Variants in GNG7 observed in about 807,000 individuals in gnomAD.
GNG7 encodes G protein subunit gamma 7, also known as guanine nucleotide-binding protein G(I)/G(S)/G(O) subunit gamma-7.
Under a neutral mutation model 4.0 loss-of-function variants are expected in GNG7, and 1 was observed. The observed-to-expected ratio is 0.25, with a 90% CI of 0.09 to 1.18. The LOEUF (loss-of-function observed/expected upper bound fraction) is 1.18. GNG7 is among the 50% of genes most tolerant of loss of function. GNG7 has a pLI of 0.50. For missense variants in GNG7, 86 were observed against 91.9 expected (o/e 0.94, Z 0.26); for synonymous variants, 34 against 36.9 (o/e 0.92, Z 0.29).
At chr19:2,603,178 TG>T (rs1981267333) in intron 2 of GNG7, among the ~76,000 whole-genome samples, 1 of 152,124 alleles carries the variant, frequency 6.6e-6, no homozygotes, top group South Asian at 2.1e-4. Flanking sequence ...GCGATCCTCC[TG>T]CCTCAGCCTC....
intron 1 of GNG7, among the ~76,000 whole-genome samples, chr19:2,694,896 C>T (rs867281624): frequency 6.6e-6 from 1 of 152,040 alleles, no homozygotes; most frequent in Non-Finnish European, 1.5e-5. Flanking sequence ...CCTGCAGTGC[C>T]CAGGACAGCC....
chr19:2,696,187 A>AGAGAGAGGGGAGAGAGGG (rs202163861), intron 1 of GNG7, among the ~76,000 whole-genome samples: 6 of 144,430 alleles, frequency 4.2e-5, no homozygotes, highest in African/African-American at 1.3e-4. Context: ...GAGAGAGAGG[A>AGAGAGAGGGGAGAGAGGG]GAGAGAGGGG....
chr19:2,580,731 G>T (rs1455750675), intron 2 of GNG7, among the ~76,000 whole-genome samples: 3 of 151,974 alleles, frequency 2.0e-5, no homozygotes, highest in African/African-American at 7.3e-5. Flanking sequence ...CTCCCAAGTA[G>T]CTGGGACTAC....
In GNG7 at chr19:2,617,217, G is replaced by A. The variant is rs1981746087; in HGVS notation, c.-78+29007C>T. 6.6e-6 allele frequency among the ~76,000 whole-genome samples: 1 copy of A among 152,116 alleles called. No homozygotes were observed. Among genetic ancestry groups the A allele is most frequent in the Admixed American group, 6.6e-5 (1 of 15,246 alleles). On this transcript the variant is annotated intron_variant, in intron 2 of 4. Transcript: ENST00000382159. The surrounding 1 kb of genome is among the most constrained non-coding windows in gnomAD (Gnocchi z 4.7). ...CTCCATGCCAGGAGCATCTCCAGTC[G>A]TGACAACCACAGATGTCCCCAGATA...
intron 4 of GNG7, 108 bp downstream of exon 4, chr19:2,520,500 G>T: frequency 1.5e-6 from 1 of 647,564 alleles, no homozygotes; most frequent in South Asian, 1.7e-5. Flanking sequence ...CACAGCAAGA[G>T]ACACAGTTGG....
intron 2 of GNG7, among the ~76,000 whole-genome samples, chr19:2,573,661 G>A (rs1242763954): frequency 4.0e-5 from 6 of 151,826 alleles, no homozygotes; most frequent in Non-Finnish European, 8.8e-5. Context: ...TCTTGTTCAC[G>A]GCGAAACCCC....
At position 2,607,409 on chromosome 19, in the gene GNG7, AT is replaced by A. The variant is rs1171074237; in HGVS notation, c.-78+38814del. 3.3e-5 allele frequency among the ~76,000 whole-genome samples: 5 copies of A among 150,548 alleles called. No homozygotes were observed. In the East Asian group the frequency reaches 9.9e-4, roughly 30 times the overall value. On this transcript the variant is annotated intron_variant, in intron 2 of 4. Transcript: ENST00000382159. ...CCGAGCATGATGGCAGGCGCCTGTT[AT>A]CCCAGCTACTTGGGAGGCTGAGGCA...
intron 3 of GNG7, among the ~76,000 whole-genome samples, chr19:2,531,765 C>T (rs1293934842): frequency 5.5e-5 from 7 of 127,622 alleles, no homozygotes; most frequent in South Asian, 5.2e-4. Context: ...AGCGAGACTC[C>T]GTCCCAAAAA....
intron 2 of GNG7, among the ~76,000 whole-genome samples, chr19:2,630,025 T>G (rs974258592): frequency 8.5e-5 from 13 of 152,142 alleles, no homozygotes; most frequent in African/African-American, 3.1e-4. Context: ...AAGGTTGTTT[T>G]TTTTTTTTAA....
rs531228717 is a variant in GNG7, at chr19:2,626,529, C to T, written c.-78+19695G>A. On this transcript the variant is annotated intron_variant, in intron 2 of 4. Transcript: ENST00000382159. This position sits in a 1 kb window ranked among gnomAD's most constrained non-coding sequence, Gnocchi z 5.0. ...CAAGGTCCTGGAACCATCTCTGCAC[C>T]TGTATCCCCCACCCCACCTGTCACC... is the stretch of plus-strand genomic sequence containing the variant. Among the ~76,000 whole-genome samples the T allele has an allele frequency of 6.6e-6, 1 of 152,280 alleles. No individual in the cohort carries two copies. Among genetic ancestry groups the T allele is most frequent in the East Asian group, 1.9e-4 (1 of 5,192 alleles).
intron 1 of GNG7, among the ~76,000 whole-genome samples, chr19:2,661,243 A>G: frequency 8.6e-6 from 1 of 115,672 alleles, no homozygotes; most frequent in South Asian, 2.9e-4. Flanking sequence ...AAAGAAAGAA[A>G]GAAAAGAAAG....
In GNG7 at chr19:2,512,925, C is replaced by T. The variant is rs951441217; in HGVS notation, c.*2097G>A. 6.2e-5 allele frequency: 61 copies of T among 985,366 alleles called. No homozygotes were observed. Among genetic ancestry groups the T allele is most frequent in the Non-Finnish European group, 7.1e-5 (59 of 829,984 alleles). 61.0% of individuals were successfully genotyped at this position (985,366 alleles called of 1,614,324 possible). On this transcript the variant is annotated 3_prime_UTR_variant, in exon 5 of 5. Coordinates refer to ENST00000382159, the MANE Select transcript of GNG7 (RefSeq NM_052847.3). This position sits in a 1 kb window ranked among gnomAD's most constrained non-coding sequence, Gnocchi z 4.7. ...GGGACGCCCACACCCCAAACCCTGCCGGCTCCCAGCCCAACCACAGGAGGC... is the reference window on the plus strand; with the variant it reads ...GGGACGCCCACACCCCAAACCCTGCTGGCTCCCAGCCCAACCACAGGAGGC...
intron 2 of GNG7, among the ~76,000 whole-genome samples, chr19:2,587,175 T>A (rs1980701057): frequency 6.6e-6 from 1 of 151,696 alleles, no homozygotes; most frequent in African/African-American, 2.4e-5. Context: ...CACGGAGAGT[T>A]GCGGCGGCAA....
At position 2,633,487 on chromosome 19, in the gene GNG7, G is replaced by GCGCA. The variant is rs1250581952; in HGVS notation, c.-78+12736_-78+12737insTGCG. 5.4e-3 allele frequency among the ~76,000 whole-genome samples: 565 copies of GCGCA among 103,748 alleles called. 1 individual carries two copies. The highest frequency in any genetic ancestry group is 0.014 in the South Asian group (40 of 2,932). The allele number at this position is 103,748 out of a possible 152,430, so 68.1% of individuals were successfully genotyped here. A position where few individuals can be genotyped will look rare whatever the true frequency, so the allele number is the denominator to read the frequency against. On this transcript the variant is annotated intron_variant, in intron 2 of 4. Coordinates refer to ENST00000382159, the MANE Select transcript of GNG7 (RefSeq NM_052847.3). The surrounding 1 kb of genome is among the most constrained non-coding windows in gnomAD (Gnocchi z 5.9). ...TAGCAACAGGCGCGCGCGCGCGCGC[G>GCGCA]CACACACACACACACACACACACAC...
At chr19:2,591,172 G>T (rs926023642) in intron 2 of GNG7, among the ~76,000 whole-genome samples, 2 of 152,138 alleles carry the variant, frequency 1.3e-5, no homozygotes, top group African/African-American at 2.4e-5. Context: ...CCTCTTGCGC[G>T]GTAGGTTTGG....
At chr19:2,574,033 G>A (rs79844048) in intron 2 of GNG7, among the ~76,000 whole-genome samples, 2,049 of 152,250 alleles carry the variant, frequency 0.013, 38 homozygotes, top group Non-Finnish European at 0.017. Context: ...TGGGTATCCC[G>A]AGACCAGAGA....
chr19:2,543,345 T>C (rs746658065), intron 3 of GNG7, among the ~76,000 whole-genome samples: 30 of 151,888 alleles, frequency 2.0e-4, no homozygotes, highest in South Asian at 1.0e-3. Context: ...CTCAGCCTTC[T>C]GAGTAGCTGG....
At chr19:2,604,221 G>A (rs1475908310) in intron 2 of GNG7, among the ~76,000 whole-genome samples, 1 of 152,024 alleles carries the variant, frequency 6.6e-6, no homozygotes, top group African/African-American at 2.4e-5. Context: ...CCGTCTCCCA[G>A]CACTTTGGGA....
intron 2 of GNG7, among the ~76,000 whole-genome samples, chr19:2,637,353 C>T (rs1044432544): frequency 6.6e-6 from 1 of 152,106 alleles, no homozygotes; most frequent in Non-Finnish European, 1.5e-5. Flanking sequence ...TGGCGGCGCA[C>T]CTGCTCTCCT....
Sources: gnomAD v4.1 joint callset for allele counts (sites outside exome capture counted in the v4.1 genomes callset) on GRCh38, gnomAD v4.1.1 for gene constraint, Gnocchi (gnomAD v3.1) non-coding constraint, MANE v1.5 for transcripts, NCBI Gene and HGNC (gene_info 2026-07-23, HGNC 2026-07-21) for gene names.